The following ANO4 variants were observed in gnomAD, a reference collection of about 807,000 sequenced individuals.
ANO4 encodes the protein anoctamin 4, also known as anoctamin-4.
A neutral mutation model predicts 141.9 loss-of-function variants in ANO4; 69 were observed. That is an observed-to-expected ratio of 0.49 (90% CI 0.40 to 0.59). The LOEUF is 0.59. Among genes scored for constraint, ANO4 ranks in the 20% least tolerant of loss-of-function variants. ANO4 has a pLI of 0.00. For synonymous variants in ANO4, 350 were observed against 394.3 expected, an observed-to-expected ratio of 0.89 and a Z score of 1.33; for missense variants, 894 against 1,162.2, an observed-to-expected ratio of 0.77 and a Z score of 3.36.
chr12:101,089,952 C>T, intron 17 of ANO4, among the ~76,000 whole-genome samples: 1 of 152,184 alleles, frequency 6.6e-6, no homozygotes, highest in Non-Finnish European at 1.5e-5. Flanking sequence ...TGAACAGACA[C>T]TTCTCAAAAG....
At chr12:101,114,073 G>A (rs1279341641) in intron 24 of ANO4, among the ~76,000 whole-genome samples, 1 of 152,158 alleles carries the variant, frequency 6.6e-6, no homozygotes, top group Non-Finnish European at 1.5e-5. Context: ...GTCTCATTGA[G>A]AGCTGGTGGT....
chr12:101,066,027 T>C (rs114938930), intron 14 of ANO4, among the ~76,000 whole-genome samples: 1,628 of 152,318 alleles, frequency 0.011, 29 homozygotes, highest in African/African-American at 0.037. Context: ...ATCATTTCAA[T>C]TGATGACAAA....
chr12:100,851,662 T>C (rs897932967), intron 1 of ANO4, among the ~76,000 whole-genome samples: 1 of 152,186 alleles, frequency 6.6e-6, no homozygotes, highest in African/African-American at 2.4e-5. Context: ...AAAGGATAAG[T>C]TCTTAAAGGA....
chr12:100,838,081 T>C (rs755683009), intron 1 of ANO4, among the ~76,000 whole-genome samples: 3 of 151,866 alleles, frequency 2.0e-5, no homozygotes, highest in Non-Finnish European at 4.4e-5. Context: ...CTTGTGATTA[T>C]TGAGTATGAA....
rs554623976 is a variant in ANO4 at position 100,814,857 on chromosome 12, G to A, written c.-141+19830G>A. Among the ~76,000 whole-genome samples the A allele has an allele frequency of 2.3e-4, 35 of 152,214 alleles. 1 individual carries two copies. Among genetic ancestry groups the A allele is most frequent in the African/African-American group, 7.9e-4 (33 of 41,546 alleles). On this transcript the variant is annotated intron_variant, in intron 1 of 27. Transcript: ENST00000392977. ...GACATTATCTCCTGATGGGAGTTTGGGGACATGAGGTTCACCTGAACCTGT... is the reference window on the plus strand; with the variant it reads ...GACATTATCTCCTGATGGGAGTTTGAGGACATGAGGTTCACCTGAACCTGT...
rs891205331 is a variant in ANO4 at position 101,127,874 on chromosome 12, T to C, written c.*18T>C. On this transcript the variant is annotated 3_prime_UTR_variant, in exon 28 of 28. Coordinates refer to ENST00000392977, the MANE Select transcript of ANO4 (RefSeq NM_001286615.2). Reference sequence around the variant, plus strand: ...TTCTCTTTCCAGAAAATAGTCCCTTTCCAGGCCAAGGACCTGAATTCTGTT... The same window carrying C: ...TTCTCTTTCCAGAAAATAGTCCCTTCCCAGGCCAAGGACCTGAATTCTGTT... The C allele has an allele frequency of 2.0e-5, 3 of 152,628 alleles. No individual in the cohort carries two copies. The highest frequency in any genetic ancestry group is 7.2e-5 in the African/African-American group (3 of 41,438). 9.5% of individuals were successfully genotyped at this position (152,628 alleles called of 1,614,324 possible). A position where few individuals can be genotyped will look rare whatever the true frequency, so the allele number is the denominator to read the frequency against.
chr12:100,815,104 T>TG (rs1264535562), intron 1 of ANO4, among the ~76,000 whole-genome samples: 4 of 151,808 alleles, frequency 2.6e-5, no homozygotes, highest in African/African-American at 7.3e-5. Context: ...TAAGTGATGG[T>TG]GGGGGGAATG....
At chr12:101,079,913 C>T (rs1216934313) in intron 15 of ANO4, among the ~76,000 whole-genome samples, 1 of 152,156 alleles carries the variant, frequency 6.6e-6, no homozygotes, top group East Asian at 1.9e-4. Flanking sequence ...TCTTCTTGCC[C>T]CTATTCCTGT....
At chr12:100,960,851 A>G (rs545016599) in intron 5 of ANO4, among the ~76,000 whole-genome samples, 15 of 152,194 alleles carry the variant, frequency 9.9e-5, no homozygotes, top group Non-Finnish European at 1.6e-4. Flanking sequence ...GTTGTCCCCA[A>G]GTTCAGTTTA....
chr12:100,806,543 T>G (rs1450976575), intron 1 of ANO4, among the ~76,000 whole-genome samples: 33 of 54,414 alleles, frequency 6.1e-4, no homozygotes, highest in African/African-American at 2.8e-3. Flanking sequence ...TTTTTTTTTT[T>G]TTTTTTTTTT....
At chr12:101,036,320 G>A (rs779242735) in intron 9 of ANO4, among the ~76,000 whole-genome samples, 2 of 152,114 alleles carry the variant, frequency 1.3e-5, no homozygotes, top group South Asian at 2.1e-4. Flanking sequence ...ATGAACTACC[G>A]TATGATACAG....
At chr12:101,106,594 T>TATATAA (rs1328175528) in intron 22 of ANO4, among the ~76,000 whole-genome samples, 3 of 149,098 alleles carry the variant, frequency 2.0e-5, no homozygotes, top group African/African-American at 7.4e-5. Context: ...TATATATATA[T>TATATAA]AAATGAACTG....
intron 1 of ANO4, among the ~76,000 whole-genome samples, chr12:100,869,231 C>G (rs574652956): frequency 6.6e-6 from 1 of 152,350 alleles, no homozygotes; most frequent in East Asian, 1.9e-4. Flanking sequence ...TCTCTCCTGG[C>G]TCCTGCCAAT....
chr12:100,745,363 T>C (rs1043942576), intron 3 of ANO4, among the ~76,000 whole-genome samples: 1 of 152,256 alleles, frequency 6.6e-6, no homozygotes, highest in Admixed American at 6.5e-5. Context: ...CACTGGCAAT[T>C]CTTATGCACA....
chr12:101,020,249 A>G, intron 9 of ANO4, 109 bp downstream of exon 9: 2 of 713,448 alleles, frequency 2.8e-6, no homozygotes, highest in South Asian at 3.7e-5. Flanking sequence ...TGTCACTTAT[A>G]AAACCCCTAA....
chr12:101,127,629 G>A (rs1419976920), intron 27 of ANO4, among the ~76,000 whole-genome samples: 1 of 152,190 alleles, frequency 6.6e-6, no homozygotes, highest in Non-Finnish European at 1.5e-5. Context: ...CTGCCTGCCT[G>A]TTTCTATTTC....
intron 1 of ANO4, among the ~76,000 whole-genome samples, chr12:100,887,779 A>G (rs1032909062): frequency 6.6e-6 from 1 of 152,218 alleles, no homozygotes; most frequent in African/African-American, 2.4e-5. Context: ...CCAAGGTATT[A>G]CTTTTAAACT....
At chr12:100,954,144 T>G (rs1261941993) in intron 5 of ANO4, among the ~76,000 whole-genome samples, 1 of 152,180 alleles carries the variant, frequency 6.6e-6, no homozygotes, top group Non-Finnish European at 1.5e-5. Flanking sequence ...GTACTTATAA[T>G]TGCCTAGCCC....
chr12:100,963,368 C>T (rs1405919572), intron 5 of ANO4, among the ~76,000 whole-genome samples: 1 of 152,118 alleles, frequency 6.6e-6, no homozygotes, highest in African/African-American at 2.4e-5. Context: ...GTGGCAATTT[C>T]ACACACACCA....
Sources: gnomAD v4.1 joint callset for allele counts (sites outside exome capture counted in the v4.1 genomes callset) on GRCh38, gnomAD v4.1.1 for gene constraint, MANE v1.5 for transcripts, NCBI Gene and HGNC (gene_info 2026-07-23, HGNC 2026-07-21) for gene names.